Variants in ADGRV1 observed in about 807,000 individuals in gnomAD.
ADGRV1 encodes the protein G-protein coupled receptor 98.
In ADGRV1, 359 loss-of-function variants were observed where a neutral mutation model predicts 596.2. The ratio of observed to expected loss-of-function variants is 0.60; its 90% CI spans 0.55 to 0.66. The LOEUF is 0.66. ADGRV1 is among the 30% of genes least tolerant of loss of function. ADGRV1 has a pLI of 0.00. For synonymous variants in ADGRV1, 2,681 were observed against 2,679.2 expected, an observed-to-expected ratio of 1.00 and a Z score of -0.02; for missense variants, 7,274 against 7,575.6, an observed-to-expected ratio of 0.96 and a Z score of 1.48.
chr5:91,012,849 T>C (rs1278114819), intron 85 of ADGRV1, among the ~76,000 whole-genome samples: 2 of 151,990 alleles, frequency 1.3e-5, no homozygotes, highest in Admixed American at 6.6e-5. Context: ...TTGATAGTTA[T>C]TTTTTTCTGT....
chr5:90,559,335 T>G (rs1448569993), intron 1 of ADGRV1, among the ~76,000 whole-genome samples: 1 of 152,090 alleles, frequency 6.6e-6, no homozygotes, highest in Non-Finnish European at 1.5e-5. Flanking sequence ...TAATAATTGA[T>G]AATGGGAAGG....
At chr5:90,652,256 G>T (rs1768740404) in intron 18 of ADGRV1, 90 bp from the exon 19 acceptor site, 3 of 901,152 alleles carry the variant, frequency 3.3e-6, no homozygotes, top group Non-Finnish European at 4.9e-6. Flanking sequence ...TAAGACAATA[G>T]ATAGTAAAAA....
intron 83 of ADGRV1, among the ~76,000 whole-genome samples, chr5:90,906,841 C>T (rs2150670087): frequency 6.6e-6 from 1 of 152,110 alleles, no homozygotes; most frequent in Non-Finnish European, 1.5e-5. Context: ...AATTTTTTTG[C>T]TTTCCATTGT....
intron 68 of ADGRV1, among the ~76,000 whole-genome samples, chr5:90,788,857 G>GAC (rs983428966): frequency 2.3e-5 from 3 of 127,914 alleles, no homozygotes; most frequent in African/African-American, 1.1e-4. Flanking sequence ...CATGCACACA[G>GAC]ACACAGACAC....
At chr5:90,703,641 T>A in intron 34 of ADGRV1, 24 bp from the exon 35 acceptor site, 1 of 1,549,500 alleles carries the variant, frequency 6.5e-7, no homozygotes, top group African/African-American at 1.4e-5. Flanking sequence ...TAAGTATTTA[T>A]CAATTTACAC....
intron 57 of ADGRV1, among the ~76,000 whole-genome samples, chr5:90,757,931 C>T (rs762677476): frequency 6.6e-5 from 10 of 152,022 alleles, no homozygotes; most frequent in South Asian, 2.1e-4. Context: ...TCATGGGGGG[C>T]GGTAGTAAAT....
chr5:91,091,563 G>A (rs1184615410), intron 86 of ADGRV1: 2 of 152,018 alleles, frequency 1.3e-5, no homozygotes, highest in Non-Finnish European at 2.9e-5. Flanking sequence ...TTCTAGGAGA[G>A]TATTAAACAA....
intron 76 of ADGRV1, 69 bp downstream of exon 76, chr5:90,823,665 C>A (rs960629061): frequency 7.3e-7 from 1 of 1,372,078 alleles, no homozygotes; most frequent in African/African-American, 1.4e-5. Flanking sequence ...CATTTTAAAA[C>A]CACTATTGAA....
In ADGRV1 at chr5:90,629,439, G is replaced by C. The variant is rs201744678; in HGVS notation, c.1739G>C (p.Arg580Thr). Residue 580 changes from arginine to threonine, a missense_variant, in exon 9 of 90, where the codon AGA (arginine) becomes ACA (threonine). By Grantham distance (71) the Arg-to-Thr change is moderately conservative. Transcript: ENST00000405460. Reference protein sequence around the residue: ...AKEGILNISRRNDLIFPEQKT... With the variant: ...AKEGILNISRTNDLIFPEQKT... ...GAAGGCATCTTAAATATATCAAGGA[G>C]AAATGACCTCATTTTTCCAGAGCAA... is the stretch of plus-strand genomic sequence containing the variant. The C allele has an allele frequency of 1.2e-6, 2 of 1,613,474 alleles. No homozygotes were observed. Among genetic ancestry groups the C allele is most frequent in the Admixed American group, 3.3e-5 (2 of 59,986 alleles).
At chr5:90,999,387 C>T (rs549372001) in intron 85 of ADGRV1, among the ~76,000 whole-genome samples, 4 of 151,886 alleles carry the variant, frequency 2.6e-5, no homozygotes, top group East Asian at 1.9e-4. Flanking sequence ...AGGGTTAAAA[C>T]GGTGAAAACA....
intron 84 of ADGRV1, among the ~76,000 whole-genome samples, chr5:90,972,804 G>A (rs555933969): frequency 6.6e-6 from 1 of 152,032 alleles, no homozygotes; most frequent in Non-Finnish European, 1.5e-5. Context: ...AGAGAAGCAA[G>A]AGCAAACACA....
chr5:90,713,551 A>T (rs1185557250), intron 42 of ADGRV1, among the ~76,000 whole-genome samples: 1 of 152,158 alleles, frequency 6.6e-6, no homozygotes, highest in Non-Finnish European at 1.5e-5. Flanking sequence ...ATTTAACCTG[A>T]GGATACAGCG....
At chr5:91,149,167 T>C (rs533774694) in intron 87 of ADGRV1, among the ~76,000 whole-genome samples, 202 of 152,322 alleles carry the variant, frequency 1.3e-3, no homozygotes, top group South Asian at 5.8e-3. Context: ...TTTGGGAGAC[T>C]GTTGGAAGGA....
At chr5:91,100,378 A>G (rs1445799418) in intron 86 of ADGRV1, among the ~76,000 whole-genome samples, 1 of 152,084 alleles carries the variant, frequency 6.6e-6, no homozygotes, top group Non-Finnish European at 1.5e-5. Flanking sequence ...GAGCTGTGAC[A>G]ACACCACCAC....
intron 79 of ADGRV1, chr5:90,850,555 A>G (rs1766383747): frequency 6.6e-6 from 1 of 152,094 alleles, no homozygotes. Context: ...GTGTGTAGTC[A>G]AGAATACCTG....
At chr5:90,664,417 CTGT>C (rs1420408190) in intron 21 of ADGRV1, among the ~76,000 whole-genome samples, 7 of 151,916 alleles carry the variant, frequency 4.6e-5, no homozygotes, top group African/African-American at 1.5e-4. Flanking sequence ...CTCTGTTTGC[CTGT>C]TGTTGGTGTA....
intron 85 of ADGRV1, among the ~76,000 whole-genome samples, chr5:91,016,614 A>G (rs755359541): frequency 1.6e-4 from 24 of 151,954 alleles, no homozygotes; most frequent in Non-Finnish European, 2.1e-4. Context: ...AGATTGATGA[A>G]TTTTAGGTAT....
chr5:90,771,220 C>T (rs946716544), intron 59 of ADGRV1, among the ~76,000 whole-genome samples: 20 of 121,370 alleles, frequency 1.6e-4, no homozygotes, highest in Middle Eastern at 8.0e-3. Context: ...TTATTTTCCT[C>T]TCCTTTACTA....
At chr5:90,998,066 A>G (rs918300246) in intron 85 of ADGRV1, among the ~76,000 whole-genome samples, 2 of 152,196 alleles carry the variant, frequency 1.3e-5, no homozygotes, top group African/African-American at 4.8e-5. Context: ...ATCTCCAGCT[A>G]TTTTGAAAGT....
Sources: gnomAD v4.1 joint callset for allele counts (sites outside exome capture counted in the v4.1 genomes callset) on GRCh38, gnomAD v4.1.1 for gene constraint, MANE v1.5 for transcripts, NCBI Gene and HGNC (gene_info 2026-07-23, HGNC 2026-07-21) for gene names.